The following UST variants were observed in gnomAD, a reference collection of about 807,000 sequenced individuals.
The protein encoded by UST is uronyl 2-sulfotransferase.
Under a neutral mutation model 45.6 loss-of-function variants are expected in UST, and 21 were observed. The ratio of observed to expected loss-of-function variants is 0.46; its 90% CI spans 0.33 to 0.66. The LOEUF (loss-of-function observed/expected upper bound fraction) is 0.66. Ranked by LOEUF, UST falls within the 30% of genes least tolerant of loss-of-function variation. The pLI, the probability that UST is intolerant of heterozygous loss-of-function variation, is 0.02. For synonymous variants in UST, 215 were observed against 200.6 expected (o/e 1.07, Z -0.61); for missense variants, 463 against 512.4 (o/e 0.90, Z 0.93).
At chr6:148,907,714 A>G (rs1050656882) in intron 2 of UST, among the ~76,000 whole-genome samples, 2 of 152,142 alleles carry the variant, frequency 1.3e-5, no homozygotes, top group African/African-American at 4.8e-5. Context: ...GATGCAGAGA[A>G]CATTCTGCAA....
intron 5 of UST, 73 bp downstream of exon 5, chr6:148,964,636 C>T (rs986970572): frequency 7.6e-6 from 12 of 1,568,870 alleles, no homozygotes; most frequent in Non-Finnish European, 1.0e-5. Context: ...GGAAGGTTCA[C>T]TCTTCCCTTC....
At chr6:148,935,532 G>A (rs17080185) in intron 2 of UST, among the ~76,000 whole-genome samples, 6,867 of 152,302 alleles carry the variant, frequency 0.045, 196 homozygotes, top group East Asian at 0.13. Flanking sequence ...AAGATTTCGA[G>A]ATTGATCCTA....
chr6:148,875,005 C>A (rs546513291), intron 1 of UST, among the ~76,000 whole-genome samples: 1 of 152,280 alleles, frequency 6.6e-6, no homozygotes, highest in East Asian at 1.9e-4. Flanking sequence ...TCATAGGTAA[C>A]CGGAATCCTG....
intron 2 of UST, among the ~76,000 whole-genome samples, chr6:148,887,364 C>T (rs548138289): frequency 1.1e-4 from 17 of 152,370 alleles, no homozygotes; most frequent in African/African-American, 3.1e-4. Flanking sequence ...TAGCCACACC[C>T]GGCCTCCCCA....
intron 1 of UST, among the ~76,000 whole-genome samples, chr6:148,760,784 G>A (rs1776203052): frequency 6.6e-6 from 1 of 152,132 alleles, no homozygotes; most frequent in African/African-American, 2.4e-5. Flanking sequence ...TAATATGCAG[G>A]TCTTTAAAAG....
chr6:148,794,894 G>A lies in UST; in HGVS notation c.247+47217G>A, dbSNP rs139999038. 4.6e-4 allele frequency among the ~76,000 whole-genome samples: 70 copies of A among 152,212 alleles called. 1 individual carries two copies. The East Asian group carries it at 0.012, about 26-fold the overall frequency. On this transcript the variant is annotated intron_variant, in intron 1 of 7. Transcript: ENST00000367463. The stretch of plus-strand genomic sequence containing the variant: ...CTTCATCCTTTAAACACTCCTTTTC[G>A]TCTCTGAGCATTCACTGGCTAAGAA...
chr6:148,909,752 G>T (rs1021919041), intron 2 of UST, among the ~76,000 whole-genome samples: 2 of 152,166 alleles, frequency 1.3e-5, no homozygotes, highest in African/African-American at 4.8e-5. Context: ...TGCTTTGCTC[G>T]AAGTATCTAT....
intron 3 of UST, among the ~76,000 whole-genome samples, chr6:148,950,004 G>C (rs558699406): frequency 1.1e-4 from 17 of 152,300 alleles, no homozygotes; most frequent in Non-Finnish European, 2.2e-4. Context: ...GTCCTAGCCA[G>C]GAATCTGGGA....
intron 1 of UST, among the ~76,000 whole-genome samples, chr6:148,838,815 G>A (rs1240320652): frequency 6.6e-6 from 1 of 152,034 alleles, no homozygotes; most frequent in Non-Finnish European, 1.5e-5. Flanking sequence ...GTAGAGGCGG[G>A]AGACCAGTTA....
chr6:148,994,316 A>G (rs1781409328), intron 5 of UST, among the ~76,000 whole-genome samples: 1 of 151,996 alleles, frequency 6.6e-6, no homozygotes, highest in South Asian at 2.1e-4. Context: ...AAACAACCCC[A>G]TAGTAAAAGT....
In UST at chr6:148,809,902, T is replaced by C. The variant is rs2114728611; in HGVS notation, c.247+62225T>C. On this transcript the variant is annotated intron_variant, in intron 1 of 7. Transcript: ENST00000367463. ...GCCCAGTGTGTATACATATCCATCC[T>C]CACCCCAATTCTGCTGCTGGATATA... Among the ~76,000 whole-genome samples, 7 of 152,344 alleles carry C rather than the reference T, an allele frequency of 4.6e-5. 1 individual carries two copies. The South Asian group carries it at 1.5e-3, about 32-fold the overall frequency.
At chr6:148,923,823 A>T (rs936862948) in intron 2 of UST, among the ~76,000 whole-genome samples, 1 of 152,094 alleles carries the variant, frequency 6.6e-6, no homozygotes, top group African/African-American at 2.4e-5. Flanking sequence ...CTGTACTTGG[A>T]TTGTAGTTGG....
chr6:148,842,394 AT>A (rs1174994549), intron 1 of UST, among the ~76,000 whole-genome samples: 1 of 152,182 alleles, frequency 6.6e-6, no homozygotes, highest in South Asian at 2.1e-4. Context: ...ACCAATCATT[AT>A]TTTATTTACA....
intron 3 of UST, among the ~76,000 whole-genome samples, chr6:148,942,012 G>C (rs750251664): frequency 1.3e-5 from 2 of 152,122 alleles, no homozygotes; most frequent in Non-Finnish European, 2.9e-5. Flanking sequence ...GGTAGGATGG[G>C]AGTGCTGTCC....
chr6:149,067,371 T>C (rs1776747270), intron 7 of UST, among the ~76,000 whole-genome samples: 1 of 152,226 alleles, frequency 6.6e-6, no homozygotes. Context: ...TGGTCTCCAA[T>C]GGCCTTCAAT....
intron 2 of UST, among the ~76,000 whole-genome samples, chr6:148,936,373 TG>T (rs1418809053): frequency 6.6e-6 from 1 of 152,060 alleles, no homozygotes; most frequent in Non-Finnish European, 1.5e-5. Flanking sequence ...ACGGGGAGTA[TG>T]GGGGGCACAC....
At chr6:148,982,372 TACTGGCATGAACC>T (rs758019380) in intron 5 of UST, among the ~76,000 whole-genome samples, 6 of 152,202 alleles carry the variant, frequency 3.9e-5, no homozygotes, top group Non-Finnish European at 8.8e-5. Context: ...GTGCTGGGAT[TACTGGCATGAACC>T]ACTGCACCCA....
At chr6:148,918,305 A>G (rs1388710052) in intron 2 of UST, among the ~76,000 whole-genome samples, 2 of 152,232 alleles carry the variant, frequency 1.3e-5, no homozygotes, top group African/African-American at 4.8e-5. Context: ...TTGAGAGTGT[A>G]CTTGGAAAAG....
intron 5 of UST, among the ~76,000 whole-genome samples, chr6:148,965,247 G>A (rs1450836712): frequency 2.6e-5 from 4 of 152,046 alleles, no homozygotes; most frequent in Admixed American, 2.6e-4. Flanking sequence ...AACGGAGGGC[G>A]GAGTTGCGCG....
Sources: allele counts gnomAD v4.1 joint callset (sites outside exome capture counted in the v4.1 genomes callset), GRCh38; gene constraint gnomAD v4.1.1; transcripts MANE v1.5; gene names NCBI Gene and HGNC (gene_info 2026-07-23, HGNC 2026-07-21).